CKAP5: variants seen among roughly 807,000 people sequenced by gnomAD.
CKAP5 encodes cytoskeleton-associated protein 5.
CKAP5 carries 27 observed loss-of-function variants against 232.8 expected under a neutral mutation model. That is an observed-to-expected ratio of 0.12 (90% CI 0.09 to 0.16). The LOEUF is 0.16. Ranked by LOEUF, CKAP5 falls within the 10% of genes least tolerant of loss-of-function variation. The pLI is 1.00. For missense variants in CKAP5, 1,838 were observed against 2,424.7 expected (o/e 0.76, Z 5.08); for synonymous variants, 785 against 841.1 (o/e 0.93, Z 1.16).
chr11:46,764,886 C>CTATG (rs1555162045), intron 28 of CKAP5, among the ~76,000 whole-genome samples: 1 of 149,998 alleles, frequency 6.7e-6, no homozygotes, highest in Non-Finnish European at 1.5e-5. Context: ...AAAAAAAAAT[C>CTATG]AATGAAGATA....
intron 1 of CKAP5, chr11:46,826,922 GC>G (rs1283079620): frequency 6.5e-6 from 1 of 153,044 alleles, no homozygotes; most frequent in Non-Finnish European, 1.5e-5. Flanking sequence ...CAGAGTGCCC[GC>G]CCCACCCTCA....
chr11:46,832,395 AGTAAAACAGT>A (rs1175054138), intron 1 of CKAP5, among the ~76,000 whole-genome samples: 1 of 152,218 alleles, frequency 6.6e-6, no homozygotes, highest in Non-Finnish European at 1.5e-5. Context: ...AAGCCATGGC[AGTAAAACAGT>A]TGCTTGAAAG....
At position 46,805,160 on chromosome 11, in the gene CKAP5, G is replaced by A. The variant is rs142337556; in HGVS notation, c.978+2871C>T. On this transcript the variant is annotated intron_variant, in intron 8 of 43. Coordinates refer to ENST00000529230, the MANE Select transcript of CKAP5 (RefSeq NM_001008938.4). ...TGAGGCAGGAGAATCGCTTGAACTCGGGAGATGGAGGTTGCAGTGAGCTGA... is the reference window on the plus strand; with the variant it reads ...TGAGGCAGGAGAATCGCTTGAACTCAGGAGATGGAGGTTGCAGTGAGCTGA... Among the ~76,000 whole-genome samples, 148 of 152,122 alleles carry A rather than the reference G, an allele frequency of 9.7e-4. 1 individual carries two copies. The East Asian group carries it at 0.028, about 29-fold the overall frequency.
In CKAP5 at chr11:46,788,709, T is replaced by G. The variant is rs747397999; in HGVS notation, c.1940A>C (p.Lys647Thr). The G allele has an allele frequency of 6.2e-7, 1 of 1,608,580 alleles. No homozygotes were observed. Among genetic ancestry groups the G allele is most frequent in the Non-Finnish European group, 8.5e-7 (1 of 1,177,394 alleles). The stretch of plus-strand genomic sequence containing the variant: ...AAAATTAGTTTCTTTCCATCCAGGT[T>G]TCTTGGCTAGCATCCTCACTAATGC... ...CQALVRMLAK[K>T]PGWKETNFQV... Residue 647 changes from lysine (K) to threonine (T), a missense_variant, in exon 16 of 44, where the codon AAA becomes ACA. Physicochemically the swap from Lys to Thr is moderately conservative, Grantham distance 78. Around this residue, in one of 6 missense-constraint regions of CKAP5, gnomAD observed 767 missense variants for 954.6 expected, o/e 0.80. Coordinates refer to ENST00000529230, the MANE Select transcript of CKAP5 (RefSeq NM_001008938.4).
chr11:46,810,126 C>G (rs1393634279), intron 5 of CKAP5, among the ~76,000 whole-genome samples: 3 of 152,016 alleles, frequency 2.0e-5, no homozygotes. Context: ...TGTGCACTAC[C>G]ACATCCGGCT....
At chr11:46,807,950 T>C in intron 8 of CKAP5, 81 bp downstream of exon 8, 1 of 902,992 alleles carries the variant, frequency 1.1e-6, no homozygotes, top group Non-Finnish European at 1.8e-6. Context: ...GCAATGTATG[T>C]GTAATTAAAA....
intron 1 of CKAP5, among the ~76,000 whole-genome samples, chr11:46,823,114 G>A (rs988218351): frequency 6.6e-6 from 1 of 151,964 alleles, no homozygotes; most frequent in Non-Finnish European, 1.5e-5. Flanking sequence ...GGGACTGCAG[G>A]TGTGCACCAC....
rs905831862 is a variant in CKAP5, at chr11:46,753,319, T to C, written c.5048A>G (p.Asn1683Ser). 6.2e-6 allele frequency: 10 copies of C among 1,607,286 alleles called. No homozygotes were observed. Among genetic ancestry groups the C allele is most frequent in the African/African-American group, 2.7e-5 (2 of 74,328 alleles). Residue 1683 changes from asparagine to serine, a missense_variant, in exon 37 of 44, where the codon AAC (asparagine) becomes AGC (serine). By Grantham distance (46) the Asn-to-Ser change is conservative. Transcript: ENST00000529230. ...GAGAGTACAGATATACCTCAGGATG[T>C]TGGTCTGGTCTGACTTCTCCAGAAC... ...VKVLEKSDQT[N>S]ILSALLVLLQ... is the part of the protein sequence containing the mutation.
At chr11:46,833,639 C>T (rs1444261213) in intron 1 of CKAP5, among the ~76,000 whole-genome samples, 4 of 151,360 alleles carry the variant, frequency 2.6e-5, no homozygotes, top group Non-Finnish European at 4.4e-5. Context: ...CCACCATGCC[C>T]GGCTAATTTT....
intron 1 of CKAP5, among the ~76,000 whole-genome samples, chr11:46,837,671 G>A (rs776403641): frequency 3.3e-5 from 5 of 151,652 alleles, no homozygotes; most frequent in African/African-American, 7.3e-5. Context: ...ATACAAATAC[G>A]CGCACACACA....
intron 2 of CKAP5, 85 bp from the exon 3 acceptor site, chr11:46,818,588 A>G (rs2134687346): frequency 1.1e-6 from 1 of 934,462 alleles, no homozygotes; most frequent in Non-Finnish European, 1.5e-6. Flanking sequence ...GGGTGTGAGA[A>G]TAGAAATGAA....
chr11:46,764,563 G>T (rs545738719), intron 28 of CKAP5, among the ~76,000 whole-genome samples: 1 of 152,022 alleles, frequency 6.6e-6, no homozygotes, highest in Non-Finnish European at 1.5e-5. Context: ...TAAAAGGAGG[G>T]CTATATAAAA....
chr11:46,759,568 T>G (rs957664181), intron 33 of CKAP5, 126 bp from the exon 34 acceptor site: 35 of 904,966 alleles, frequency 3.9e-5, no homozygotes, highest in Non-Finnish European at 5.2e-5. Flanking sequence ...CCCCCCTGAA[T>G]GATTTAAGTC....
rs763039912 is a variant in CKAP5 at position 46,760,575 on chromosome 11, T to TG, written c.4394+36dup. ...CTGTGAGCACACAAGGCAAAGGCCA[T>TG]GGAGATGCTCTCAGACAAGTATCTC... On this transcript the variant is annotated intron_variant, in intron 33 of 43. Coordinates refer to ENST00000529230, the MANE Select transcript of CKAP5 (RefSeq NM_001008938.4). The TG allele has an allele frequency of 6.9e-6, 11 of 1,602,992 alleles. No homozygotes were observed. In the Middle Eastern group the frequency reaches 5.0e-4, roughly 73 times the overall value.
At position 46,762,134 on chromosome 11, in the gene CKAP5, T is replaced by C. The variant is rs756141980; in HGVS notation, c.4087A>G (p.Thr1363Ala). 6.2e-7 allele frequency: 1 copy of C among 1,614,134 alleles called. No individual in the cohort carries two copies. ...ATTTCCTTTAAGGCTTTTCCTGGGG[T>C]TGGTTGGCAAACATTCATGCCATAG... ...ESYGMNVCQPTPGKALKEIAV... is the reference protein window; with the variant it reads ...ESYGMNVCQPAPGKALKEIAV... Residue 1363 changes from threonine (T) to alanine (A), a missense_variant, in exon 32 of 44, where the codon ACC (threonine) becomes GCC (alanine). By Grantham distance (58) the Thr-to-Ala change is moderately conservative. Transcript: ENST00000529230.
At chr11:46,799,452 T>C (rs1293288148) in intron 9 of CKAP5, among the ~76,000 whole-genome samples, 3 of 152,238 alleles carry the variant, frequency 2.0e-5, no homozygotes, top group Non-Finnish European at 4.4e-5. Flanking sequence ...CAAGATATTT[T>C]AATGTCTATA....
chr11:46,793,419 C>G (rs1938787390), intron 13 of CKAP5, among the ~76,000 whole-genome samples: 1 of 152,198 alleles, frequency 6.6e-6, no homozygotes, highest in Non-Finnish European at 1.5e-5. Flanking sequence ...AGGACACATG[C>G]TCATTAAAAG....
At chr11:46,824,646 G>A (rs2134696743) in intron 1 of CKAP5, among the ~76,000 whole-genome samples, 1 of 152,212 alleles carries the variant, frequency 6.6e-6, no homozygotes, top group African/African-American at 2.4e-5. Flanking sequence ...TATTTTTTAA[G>A]TTGAATGCCA....
intron 3 of CKAP5, 72 bp from the exon 4 acceptor site, chr11:46,816,476 T>C: frequency 8.9e-7 from 1 of 1,122,028 alleles, no homozygotes; most frequent in Non-Finnish European, 1.3e-6. Flanking sequence ...GGAAAGGGGG[T>C]GTACTAGTAC....
Sources: allele counts gnomAD v4.1 joint callset (sites outside exome capture counted in the v4.1 genomes callset), GRCh38; gene constraint gnomAD v4.1.1; regional missense constraint gnomAD v4.1.1; transcripts MANE v1.5; gene names NCBI Gene and HGNC (gene_info 2026-07-23, HGNC 2026-07-21).